ABCD3: variants seen among roughly 807,000 people sequenced by gnomAD.
The protein encoded by ABCD3 is ATP-binding cassette sub-family D member 3.
A neutral mutation model predicts 105.5 loss-of-function variants in ABCD3; 41 were observed. That is an observed-to-expected ratio of 0.39 (90% CI 0.30 to 0.50). The LOEUF is 0.50. Among genes scored for constraint, ABCD3 ranks in the 20% least tolerant of loss-of-function variants. ABCD3 has a pLI of 0.84. For missense variants in ABCD3, 622 were observed against 806.3 expected, an observed-to-expected ratio of 0.77 and a Z score of 2.77; for synonymous variants, 258 against 269.0, an observed-to-expected ratio of 0.96 and a Z score of 0.40.
rs2100997248 is a variant in ABCD3 at position 94,475,723 on chromosome 1, T to G, written c.613T>G (p.Ser205Ala). 2 of 1,604,908 alleles carry G rather than the reference T, an allele frequency of 1.2e-6. No homozygotes were observed. The highest frequency in any genetic ancestry group is 2.2e-5 in the South Asian group (2 of 90,762). ...KFCNSVVDLY[S>A]NLSKPFLDIV... ...TTGTAACAGTGTAGTCGATCTGTAT[T>G]CAAATCTTAGTAAGGTAAGTTTCTC... The change falls in exon 7 of 23, where the codon TCA becomes GCA. Residue 205 changes from serine to alanine, a missense_variant. By Grantham distance (99) the Ser-to-Ala change is moderately conservative. Around this residue, in one of 4 missense-constraint regions of ABCD3, gnomAD observed 245 missense variants for 356.4 expected, o/e 0.69. Transcript: ENST00000370214.
upstream of ABCD3, among the ~76,000 whole-genome samples, chr1:94,416,444 C>A (rs546928687): frequency 3.9e-5 from 6 of 152,254 alleles, no homozygotes; most frequent in African/African-American, 1.4e-4. Flanking sequence ...CTCTAACAGC[C>A]TCTGGAGAAT....
At chr1:94,388,544 T>G in the ABCD3 span, among the ~76,000 whole-genome samples, 1 of 152,120 alleles carries the variant, frequency 6.6e-6, no homozygotes, top group Non-Finnish European at 1.5e-5. Flanking sequence ...ATAGAGAAAA[T>G]CTGGAGAAGC....
In ABCD3 at chr1:94,490,099, G is replaced by A. The variant is rs548347251; in HGVS notation, c.1322+124G>A. 255 of 886,360 alleles carry A rather than the reference G, an allele frequency of 2.9e-4. 1 individual carries two copies. In the East Asian group the frequency reaches 6.3e-3, roughly 22 times the overall value. The allele number at this position is 886,360 out of a possible 1,614,324, so 54.9% of individuals were successfully genotyped here. The stretch of plus-strand genomic sequence containing the variant: ...TTCTGCTTTTTTAAAAAACAGCTTA[G>A]AGGTATCATTGACCTAAAAATTGTG... On this transcript the variant is annotated intron_variant, in intron 15 of 22. Transcript: ENST00000370214.
At chr1:94,462,253 T>C (rs1647913133) in intron 2 of ABCD3, among the ~76,000 whole-genome samples, 1 of 152,180 alleles carries the variant, frequency 6.6e-6, no homozygotes, top group Non-Finnish European at 1.5e-5. Context: ...TTTTTTTGTA[T>C]TTAAAAAAAT....
the ABCD3 span, among the ~76,000 whole-genome samples, chr1:94,397,917 T>A: frequency 1.3e-5 from 2 of 152,186 alleles, no homozygotes; most frequent in African/African-American, 4.8e-5. Context: ...TTAGCATTCA[T>A]CCCTGAGTCT....
the ABCD3 span, among the ~76,000 whole-genome samples, chr1:94,398,357 C>T: frequency 4.6e-5 from 7 of 152,112 alleles, no homozygotes; most frequent in Non-Finnish European, 8.8e-5. Context: ...GTGTTCAACC[C>T]TAATATACCT....
At chr1:94,491,392 G>A (rs377557165) in intron 16 of ABCD3, 145 bp downstream of exon 16, 94 of 672,352 alleles carry the variant, frequency 1.4e-4, no homozygotes, top group South Asian at 8.5e-4. Flanking sequence ...TCTTTGAAAC[G>A]CTTAGAAATC....
rs1423078812 is a variant in ABCD3, at chr1:94,506,538, A to G, written c.1741A>G (p.Met581Val). 2 of 1,611,132 alleles carry G rather than the reference A, an allele frequency of 1.2e-6. No homozygotes were observed. Among genetic ancestry groups the G allele is most frequent in the Non-Finnish European group, 8.5e-7 (1 of 1,177,964 alleles). The change falls in exon 21 of 23, where the codon ATG becomes GTG. Residue 581 changes from methionine to valine, a missense_variant and splice_region_variant. Transcript: ENST00000370214. Reference sequence around the variant, plus strand: ...ACAAAAAATTTTTTTTATGCTTCAGATGGCAAGATTATTTTATCATAAACC... The same window carrying G: ...ACAAAAAATTTTTTTTATGCTTCAGGTGGCAAGATTATTTTATCATAAACC... ...LSGGEKQRMA[M>V]ARLFYHKPQF... is the part of the protein sequence containing the mutation.
intron 16 of ABCD3, among the ~76,000 whole-genome samples, chr1:94,497,757 A>C (rs1649891418): frequency 6.6e-6 from 1 of 152,238 alleles, no homozygotes; most frequent in Non-Finnish European, 1.5e-5. Context: ...ATTATCTAGA[A>C]GAGCAAAACA....
intron 20 of ABCD3, among the ~76,000 whole-genome samples, chr1:94,501,984 C>T (rs1329976167): frequency 6.6e-6 from 1 of 151,474 alleles, no homozygotes; most frequent in Non-Finnish European, 1.5e-5. Context: ...CCTTTTCTGT[C>T]TCTGCCTCCT....
chr1:94,435,134 G>T (rs954747240), intron 1 of ABCD3, among the ~76,000 whole-genome samples: 2 of 151,964 alleles, frequency 1.3e-5, no homozygotes, highest in Non-Finnish European at 2.9e-5. Flanking sequence ...TTCATCCTTT[G>T]TATTTCCCAT....
intron 1 of ABCD3, among the ~76,000 whole-genome samples, chr1:94,431,100 T>G (rs1659654694): frequency 6.6e-6 from 1 of 152,340 alleles, no homozygotes; most frequent in African/African-American, 2.4e-5. Flanking sequence ...CTATGCATAC[T>G]TTTATCTTGC....
the ABCD3 span, among the ~76,000 whole-genome samples, chr1:94,385,746 G>A: frequency 2.0e-5 from 3 of 152,168 alleles, no homozygotes. Flanking sequence ...CATAGCTTGA[G>A]AACTGTCACC....
intron 8 of ABCD3, chr1:94,478,760 AAG>A (rs778102539): frequency 1.2e-6 from 1 of 805,360 alleles, no homozygotes; most frequent in Non-Finnish European, 1.7e-6. Flanking sequence ...AATGTCTAAA[AAG>A]AGATATGGAG....
In ABCD3 at chr1:94,487,216, T is replaced by G. The variant is rs147546362; in HGVS notation, c.898-326T>G. Among the ~76,000 whole-genome samples the G allele has an allele frequency of 3.7e-3, 558 of 152,326 alleles. 1 individual carries two copies. Among genetic ancestry groups the G allele is most frequent in the African/African-American group, 0.013 (531 of 41,572 alleles). ...TTTTTGCTTTCGTTGTTGTCCTCTT[T>G]TGGGATATGTGTATCCAAAAGCATG... On this transcript the variant is annotated intron_variant, in intron 10 of 22. Transcript: ENST00000370214.
chr1:94,466,044 T>A (rs935179988), intron 3 of ABCD3, among the ~76,000 whole-genome samples: 12 of 152,212 alleles, frequency 7.9e-5, no homozygotes, highest in African/African-American at 2.9e-4. Context: ...CTGATGATTC[T>A]GCCCTTGAGA....
chr1:94,462,708 C>T (rs1406127401), intron 2 of ABCD3, among the ~76,000 whole-genome samples: 1 of 152,074 alleles, frequency 6.6e-6, no homozygotes, highest in Non-Finnish European at 1.5e-5. Flanking sequence ...TTTAGAGTAG[C>T]TAGAAACAGG....
At position 94,440,551 on chromosome 1, in the gene ABCD3, C is replaced by T. The variant is rs371289965; in HGVS notation, c.111-18056C>T. ...CTTGCTTACAGTGCTGTTTACTGGA[C>T]TGTGTGGAATGCCTCCCAGTTCAGC... On this transcript the variant is annotated intron_variant, in intron 1 of 22. Transcript: ENST00000370214. Among the ~76,000 whole-genome samples the T allele has an allele frequency of 1.2e-4, 19 of 152,286 alleles. No individual in the cohort carries two copies. The South Asian group carries it at 1.7e-3, about 13-fold the overall frequency.
chr1:94,464,619 G>C lies in ABCD3; in HGVS notation c.148-156G>C, dbSNP rs374053867. On this transcript the variant is annotated intron_variant, in intron 2 of 22. Coordinates refer to ENST00000370214, the MANE Select transcript of ABCD3 (RefSeq NM_002858.4). ...ACATTGTTTTCTCAAAAACATGTTTGAATATGAGGAGCAGTGTAAGTATGC... is the reference window on the plus strand; with the variant it reads ...ACATTGTTTTCTCAAAAACATGTTTCAATATGAGGAGCAGTGTAAGTATGC... Among the ~76,000 whole-genome samples the C allele has an allele frequency of 1.4e-4, 22 of 152,190 alleles. No individual in the cohort carries two copies. In the South Asian group the frequency reaches 4.6e-3, roughly 32 times the overall value.
Sources: gnomAD v4.1 joint callset for allele counts (sites outside exome capture counted in the v4.1 genomes callset) on GRCh38, gnomAD v4.1.1 for gene constraint, gnomAD v4.1.1 regional missense constraint, MANE v1.5 for transcripts, NCBI Gene and HGNC (gene_info 2026-07-23, HGNC 2026-07-21) for gene names.